The following FOXP1 variants were observed in gnomAD, a reference collection of about 807,000 sequenced individuals.
The protein encoded by FOXP1 is forkhead box P1, also known as forkhead box protein P1.
Under a neutral mutation model 98.2 loss-of-function variants are expected in FOXP1, and 15 were observed. That is an observed-to-expected ratio of 0.15 (90% CI 0.10 to 0.24). The LOEUF is 0.24. Among genes scored for constraint, FOXP1 ranks in the 10% least tolerant of loss-of-function variants. FOXP1 has a pLI of 1.00. For missense variants in FOXP1, 633 were observed against 848.5 expected (o/e 0.75, Z 3.15); for synonymous variants, 371 against 314.5 (o/e 1.18, Z -1.90).
intron 5 of FOXP1, among the ~76,000 whole-genome samples, chr3:71,226,899 A>G (rs1281883183): frequency 6.6e-6 from 1 of 152,150 alleles, no homozygotes; most frequent in African/African-American, 2.4e-5. Context: ...AGACTGGGGT[A>G]AGAGCCAAAG....
At chr3:71,247,099 TA>T (rs10713957) in intron 5 of FOXP1, among the ~76,000 whole-genome samples, 132,943 of 151,916 alleles carry the variant, frequency 0.88, 58,278 homozygotes, top group Middle Eastern at 0.92. Context: ...GCTAGCATCT[TA>T]AAAAAAAAAT....
At chr3:71,022,485 C>T (rs1004435641) in intron 11 of FOXP1, among the ~76,000 whole-genome samples, 17 of 152,040 alleles carry the variant, frequency 1.1e-4, no homozygotes, top group Admixed American at 2.6e-4. Flanking sequence ...AGAATAAGTG[C>T]CTAAGGGCAA....
chr3:71,240,473 A>T (rs2067161382), intron 5 of FOXP1, among the ~76,000 whole-genome samples: 1 of 152,226 alleles, frequency 6.6e-6, no homozygotes, highest in Admixed American at 6.5e-5. Flanking sequence ...TTTTTGGATA[A>T]TCCAGGCAGA....
intron 14 of FOXP1, among the ~76,000 whole-genome samples, chr3:70,982,703 TTTAA>T (rs1035820968): frequency 1.3e-5 from 2 of 152,120 alleles, no homozygotes; most frequent in African/African-American, 4.8e-5. Context: ...CCTTTTTTTT[TTTAA>T]TTAATTAATC....
At chr3:71,479,002 T>A (rs2090069323) in intron 3 of FOXP1, among the ~76,000 whole-genome samples, 1 of 152,242 alleles carries the variant, frequency 6.6e-6, no homozygotes, top group African/African-American at 2.4e-5. Flanking sequence ...GTGTGGGCTC[T>A]GGCACATTGA....
Position 71,231,769 on chromosome 3 carries a change from G to A in FOXP1, c.-11-33377C>T, listed in dbSNP as rs915684857. Among the ~76,000 whole-genome samples the A allele has an allele frequency of 2.6e-5, 4 of 152,208 alleles. No homozygotes were observed. In the South Asian group the frequency reaches 8.3e-4, roughly 32 times the overall value. ...TCATTATGGTGCATAAATAATTCTG[G>A]TAGATTCAACTAGATTATGGTCTAT... On this transcript the variant is annotated intron_variant, in intron 5 of 20. Transcript: ENST00000649528.
chr3:71,514,257 C>G (rs1249911361), intron 2 of FOXP1, among the ~76,000 whole-genome samples: 1 of 152,180 alleles, frequency 6.6e-6, no homozygotes, highest in Non-Finnish European at 1.5e-5. Context: ...CTGGAATGTT[C>G]TACAAGTCTA....
intron 3 of FOXP1, among the ~76,000 whole-genome samples, chr3:71,463,824 C>A (rs567206269): frequency 6.6e-6 from 1 of 152,064 alleles, no homozygotes. Context: ...ACAGCACCTG[C>A]AGAGGCATAT....
intron 11 of FOXP1, among the ~76,000 whole-genome samples, chr3:71,038,363 C>T (rs191342294): frequency 2.0e-4 from 31 of 152,202 alleles, no homozygotes; most frequent in Admixed American, 1.4e-3. Flanking sequence ...TCTTTCCTTG[C>T]CCATCAGAAT....
intron 6 of FOXP1, among the ~76,000 whole-genome samples, chr3:71,133,381 G>C (rs182628193): frequency 6.6e-6 from 1 of 152,110 alleles, no homozygotes; most frequent in South Asian, 2.1e-4. Flanking sequence ...GTCTGCTCAG[G>C]GCCATGGAAT....
chr3:71,043,949 T>C (rs2048685827), intron 10 of FOXP1, among the ~76,000 whole-genome samples: 1 of 152,166 alleles, frequency 6.6e-6, no homozygotes, highest in Non-Finnish European at 1.5e-5. Context: ...TAAATAAAAA[T>C]AGTAACTCAT....
intron 6 of FOXP1, among the ~76,000 whole-genome samples, chr3:71,170,282 C>T (rs1033086288): frequency 9.2e-5 from 14 of 152,208 alleles, no homozygotes; most frequent in African/African-American, 2.6e-4. Flanking sequence ...ACAACAATGA[C>T]GCTCCCCCCA....
At chr3:71,026,475 C>T (rs2046133593) in intron 11 of FOXP1, among the ~76,000 whole-genome samples, 1 of 152,158 alleles carries the variant, frequency 6.6e-6, no homozygotes, top group Non-Finnish European at 1.5e-5. Context: ...GATGGCAGAG[C>T]CTCACGGTCG....
chr3:71,451,089 T>C (rs1280489740), intron 3 of FOXP1, among the ~76,000 whole-genome samples: 1 of 152,200 alleles, frequency 6.6e-6, no homozygotes, highest in East Asian at 1.9e-4. Context: ...CTGCATCCAA[T>C]CTTCCCCCCA....
At chr3:71,506,487 G>C (rs1451113224) in intron 2 of FOXP1, among the ~76,000 whole-genome samples, 2 of 152,100 alleles carry the variant, frequency 1.3e-5, no homozygotes, top group African/African-American at 4.8e-5. Context: ...AAATCCCCAG[G>C]TTTTCTTTTC....
rs1427244553 is a variant in FOXP1, at chr3:70,966,069, A to G, written c.1723-13T>C. 7 of 1,613,384 alleles carry G rather than the reference A, an allele frequency of 4.3e-6. No individual in the cohort carries two copies. In the African/African-American group the frequency reaches 6.7e-5, roughly 15 times the overall value. On this transcript the variant is annotated splice_polypyrimidine_tract_variant and intron_variant, in intron 19 of 20. Transcript: ENST00000649528. ...CAGCCATTGAAGCCTGTCATCAACC[A>G]AGAGAAAATTTATGAAGACACAGGG... is the stretch of plus-strand genomic sequence containing the variant.
At chr3:71,310,602 C>T (rs1576908035) in intron 4 of FOXP1, among the ~76,000 whole-genome samples, 2 of 152,312 alleles carry the variant, frequency 1.3e-5, no homozygotes, top group East Asian at 1.9e-4. Context: ...TGGTCTTCCC[C>T]GATTCCTGCC....
At chr3:71,561,119 C>T (rs531652981) in intron 2 of FOXP1, among the ~76,000 whole-genome samples, 29 of 152,146 alleles carry the variant, frequency 1.9e-4, no homozygotes, top group Admixed American at 2.0e-4. Context: ...TGTAGTGGCA[C>T]GATCTCGGCT....
intron 7 of FOXP1, among the ~76,000 whole-genome samples, chr3:71,087,872 G>C (rs1024195943): frequency 6.6e-6 from 1 of 152,170 alleles, no homozygotes; most frequent in African/African-American, 2.4e-5. Context: ...AGCGACTCAT[G>C]TGAAACAAAC....
Sources: allele counts gnomAD v4.1 joint callset (sites outside exome capture counted in the v4.1 genomes callset), GRCh38; gene constraint gnomAD v4.1.1; transcripts MANE v1.5; gene names NCBI Gene and HGNC (gene_info 2026-07-23, HGNC 2026-07-21).